LEMD1: variants seen among roughly 807,000 people sequenced by gnomAD.
The protein encoded by LEMD1 is LEM domain-containing protein 1.
LEMD1 carries 18 observed loss-of-function variants against 17.4 expected under a neutral mutation model. The observed-to-expected ratio is 1.04, with a 90% CI of 0.72 to 1.54. The LOEUF (loss-of-function observed/expected upper bound fraction) is 1.54, where lower values mean the gene tolerates loss of function less well. Ranked by LOEUF, LEMD1 falls within the 40% of genes most tolerant of loss-of-function variation. LEMD1 has a pLI of 0.00. For missense variants in LEMD1, 195 were observed against 210.4 expected, an observed-to-expected ratio of 0.93 and a Z score of 0.45; for synonymous variants, 88 against 77.8, an observed-to-expected ratio of 1.13 and a Z score of -0.69.
At position 205,420,439 on chromosome 1, in the gene LEMD1, T is replaced by C. The variant is rs1665908631; in HGVS notation, c.82+16A>G. ...TAAATGACAAGTCTGTAATATTTGC[T>C]GCATACTGTACATACGTAGTATTGG... is the stretch of plus-strand genomic sequence containing the variant. On this transcript the variant is annotated intron_variant, in intron 2 of 5. Coordinates refer to ENST00000367153, the MANE Select transcript of LEMD1 (RefSeq NM_001199050.2). 1 of 1,595,438 alleles carries C rather than the reference T, an allele frequency of 6.3e-7. No individual in the cohort carries two copies. The highest frequency in any genetic ancestry group is 1.7e-5 in the Admixed American group (1 of 59,984).
At chr1:205,403,977 A>G (rs1419289212) in intron 4 of LEMD1, among the ~76,000 whole-genome samples, 1 of 151,956 alleles carries the variant, frequency 6.6e-6, no homozygotes, top group East Asian at 1.9e-4. Flanking sequence ...GTCATTCAGG[A>G]GCAGGTTGTT....
intron 4 of LEMD1, among the ~76,000 whole-genome samples, chr1:205,396,782 A>G (rs1241102160): frequency 6.6e-6 from 1 of 152,218 alleles, no homozygotes; most frequent in Non-Finnish European, 1.5e-5. Flanking sequence ...AAGAAGGATA[A>G]GTAGAAAATT....
chr1:205,447,062 A>AC (rs1439574051), intron 1 of LEMD1, among the ~76,000 whole-genome samples: 1 of 152,256 alleles, frequency 6.6e-6, no homozygotes, highest in Non-Finnish European at 1.5e-5. Context: ...CCGTCTGGGT[A>AC]CAGCACTCCC....
chr1:205,427,788 G>A (rs1032243371), intron 1 of LEMD1, among the ~76,000 whole-genome samples: 4 of 152,146 alleles, frequency 2.6e-5, no homozygotes, highest in African/African-American at 9.7e-5. Flanking sequence ...GAAGGAATGA[G>A]GCTGAGATGG....
At chr1:205,418,736 G>A (rs1057278181) in intron 3 of LEMD1, among the ~76,000 whole-genome samples, 4 of 152,116 alleles carry the variant, frequency 2.6e-5, no homozygotes, top group African/African-American at 4.8e-5. Flanking sequence ...GGCTGGTCTC[G>A]AATTCCTGGC....
rs373528411 is a variant in LEMD1 at position 205,419,248 on chromosome 1, C to G, written c.187G>C (p.Asp63His). The change falls in exon 3 of 6, where the codon GAC becomes CAC. Residue 63 changes from aspartate (D) to histidine (H), a missense_variant. Coordinates refer to ENST00000367153, the MANE Select transcript of LEMD1 (RefSeq NM_001199050.2). ...NGPRELDGAQDSDDSEELNII... is the reference protein window; with the variant it reads ...NGPRELDGAQHSDDSEELNII... ...GCGGTACCTTCGCTGTCATCACTGT[C>G]CTGCGCTCCATCCAGCTCTCTGGGT... is the stretch of plus-strand genomic sequence containing the variant. 2.7e-5 allele frequency: 44 copies of G among 1,614,080 alleles called. No homozygotes were observed. The highest frequency in any genetic ancestry group is 3.4e-6 in the Non-Finnish European group (4 of 1,180,028).
intron 3 of LEMD1, among the ~76,000 whole-genome samples, chr1:205,417,416 G>A (rs1241538645): frequency 2.0e-5 from 3 of 152,186 alleles, no homozygotes. Context: ...GCTTTAACCC[G>A]AAGTCCTGGG....
intron 4 of LEMD1, among the ~76,000 whole-genome samples, chr1:205,396,970 GAC>G (rs759686413): frequency 2.0e-5 from 3 of 152,100 alleles, no homozygotes; most frequent in Non-Finnish European, 2.9e-5. Context: ...AAGATTTTCA[GAC>G]ACAGTTTTTT....
intron 4 of LEMD1, among the ~76,000 whole-genome samples, chr1:205,402,977 G>A (rs1008807703): frequency 7.3e-5 from 11 of 151,656 alleles, no homozygotes; most frequent in African/African-American, 2.2e-4. Context: ...TTTTGTCTTT[G>A]GTTCTGTTTA....
At chr1:205,415,017 G>C (rs1665627122) in intron 4 of LEMD1, among the ~76,000 whole-genome samples, 1 of 152,166 alleles carries the variant, frequency 6.6e-6, no homozygotes, top group Non-Finnish European at 1.5e-5. Context: ...AAGAGCTGCA[G>C]GGAGGGGGCA....
chr1:205,381,913 C>T (rs75199066), intron 5 of LEMD1, 57 bp from the exon 6 acceptor site: 14 of 1,561,264 alleles, frequency 9.0e-6, no homozygotes, highest in South Asian at 8.9e-5. Context: ...ACTTGAGTAG[C>T]CCCTTAAAGT....
chr1:205,395,502 G>A (rs1664548097), intron 4 of LEMD1, among the ~76,000 whole-genome samples: 5 of 151,782 alleles, frequency 3.3e-5, no homozygotes, highest in Non-Finnish European at 7.4e-5. Context: ...GCTGAGCCAG[G>A]AGAATTGCTT....
chr1:205,432,820 G>A (rs1023979285), intron 1 of LEMD1, among the ~76,000 whole-genome samples: 1 of 152,026 alleles, frequency 6.6e-6, no homozygotes, highest in Non-Finnish European at 1.5e-5. Flanking sequence ...ACCAGCCTGG[G>A]CAACATAGTA....
chr1:205,381,716 A>T lies in LEMD1; in HGVS notation c.488T>A (p.Ile163Asn). Residue 163 changes from isoleucine to asparagine, a missense_variant, in exon 6 of 6, where the codon ATT (isoleucine) becomes AAT (asparagine). By Grantham distance (149) the Ile-to-Asn change is moderately radical. Transcript: ENST00000367153. ...GTAGACAAACACCACAATGATGAAA[A>T]TACCAAGCACAGCAAGCTTCAAGCC... ...PVGLKLAVLG[I>N]FIIVVFVYLT... 1 of 1,614,232 alleles carries T rather than the reference A, an allele frequency of 6.2e-7. No homozygotes were observed. The highest frequency in any genetic ancestry group is 8.5e-7 in the Non-Finnish European group (1 of 1,180,044).
chr1:205,447,083 AGTACTTTCCCATGCACTG>A (rs1251337636), intron 1 of LEMD1, among the ~76,000 whole-genome samples: 1 of 152,246 alleles, frequency 6.6e-6, no homozygotes, highest in African/African-American at 2.4e-5. Context: ...TGGTTTTCAG[AGTACTTTCCCATGCACTG>A]GTGTTGGCTC....
At chr1:205,387,367 T>C (rs1027123723) in intron 4 of LEMD1, 11 of 152,162 alleles carry the variant, frequency 7.2e-5, no homozygotes, top group Non-Finnish European at 7.3e-5. Context: ...ATGTCTACTG[T>C]GTGAACATAT....
In LEMD1 at chr1:205,410,212, A is replaced by T. The variant is rs564060633; in HGVS notation, c.270+6020T>A. Among the ~76,000 whole-genome samples, 799 of 152,276 alleles carry T rather than the reference A, an allele frequency of 5.2e-3. 5 individuals are homozygous for T. The highest frequency in any genetic ancestry group is 0.018 in the African/African-American group (755 of 41,564). On this transcript the variant is annotated intron_variant, in intron 4 of 5. Transcript: ENST00000367153. Reference sequence around the variant, plus strand: ...GCCAATATTACAAGCATGAGCCACCACACCTGGCAGAATCCATATTTTTGA... The same window carrying T: ...GCCAATATTACAAGCATGAGCCACCTCACCTGGCAGAATCCATATTTTTGA...
At chr1:205,420,023 C>T (rs1242275185) in intron 2 of LEMD1, among the ~76,000 whole-genome samples, 1 of 152,186 alleles carries the variant, frequency 6.6e-6, no homozygotes, top group Non-Finnish European at 1.5e-5. Flanking sequence ...TGATGAAAAA[C>T]ACCCAATCCA....
intron 1 of LEMD1, among the ~76,000 whole-genome samples, chr1:205,429,089 C>T (rs562101739): frequency 6.6e-6 from 1 of 152,234 alleles, no homozygotes; most frequent in Non-Finnish European, 1.5e-5. Flanking sequence ...CTGGATCAGA[C>T]AGTTGCCTCA....
Sources: allele counts gnomAD v4.1 joint callset (sites outside exome capture counted in the v4.1 genomes callset), GRCh38; gene constraint gnomAD v4.1.1; transcripts MANE v1.5; gene names NCBI Gene and HGNC (gene_info 2026-07-23, HGNC 2026-07-21).